Variants in EYS observed in about 807,000 individuals in gnomAD.
EYS encodes EGF-like photoreceptor maintenance factor, also known as protein eyes shut homolog.
Under a neutral mutation model 282.1 loss-of-function variants are expected in EYS, and 250 were observed. The observed-to-expected ratio is 0.89, with a 90% CI of 0.80 to 0.98. The LOEUF (loss-of-function observed/expected upper bound fraction) is 0.98, where lower values mean the gene tolerates loss of function less well. EYS is among the 50% of genes least tolerant of loss of function. EYS has a pLI of 0.00. For synonymous variants in EYS, 1,355 were observed against 1,282.9 expected, an observed-to-expected ratio of 1.06 and a Z score of -1.20; for missense variants, 4,016 against 3,709.0, an observed-to-expected ratio of 1.08 and a Z score of -2.15.
At chr6:64,233,219 A>G (rs566450123) in intron 30 of EYS, among the ~76,000 whole-genome samples, 8 of 152,192 alleles carry the variant, frequency 5.3e-5, no homozygotes, top group Non-Finnish European at 1.2e-4. Flanking sequence ...TTGATCCGAA[A>G]ACATCAGGAT....
intron 22 of EYS, among the ~76,000 whole-genome samples, chr6:64,651,690 GA>G (rs941765758): frequency 3.3e-5 from 5 of 150,296 alleles, no homozygotes; most frequent in African/African-American, 9.7e-5. Context: ...TCAAAAAAAG[GA>G]AAAAAAAATT....
At chr6:65,517,779 T>C (rs998872321) in intron 2 of EYS, among the ~76,000 whole-genome samples, 1 of 152,042 alleles carries the variant, frequency 6.6e-6, no homozygotes, top group African/African-American at 2.4e-5. Context: ...ACCATTGTTG[T>C]GAATTACAGA....
intron 22 of EYS, among the ~76,000 whole-genome samples, chr6:64,759,169 T>A (rs950986424): frequency 8.6e-5 from 13 of 151,354 alleles, no homozygotes; most frequent in African/African-American, 3.2e-4. Flanking sequence ...AGAAAAAAAA[T>A]TAGTCTGAAG....
chr6:65,150,372 G>T (rs72881725), intron 12 of EYS, among the ~76,000 whole-genome samples: 6 of 151,614 alleles, frequency 4.0e-5, no homozygotes, highest in Non-Finnish European at 7.4e-5. Flanking sequence ...ACATATTTCT[G>T]ATCCTTTATA....
chr6:64,861,451 G>T (rs897155245), intron 19 of EYS, among the ~76,000 whole-genome samples: 2 of 152,100 alleles, frequency 1.3e-5, no homozygotes, highest in South Asian at 4.1e-4. Flanking sequence ...AGAGATGCCC[G>T]GGTCCACAGC....
At chr6:64,559,493 G>A (rs1233242422) in intron 26 of EYS, among the ~76,000 whole-genome samples, 2 of 151,994 alleles carry the variant, frequency 1.3e-5, no homozygotes, top group Non-Finnish European at 2.9e-5. Flanking sequence ...ATATGTTAAA[G>A]AGCTGATAAA....
intron 39 of EYS, among the ~76,000 whole-genome samples, chr6:63,787,799 C>T (rs931973309): frequency 2.0e-5 from 3 of 151,960 alleles, no homozygotes; most frequent in East Asian, 1.9e-4. Context: ...ATTAGCTGGG[C>T]GTGGTTGTGC....
chr6:64,230,582 G>A lies in EYS; in HGVS notation c.6424+10C>T, dbSNP rs201379237. 7.2e-6 allele frequency: 11 copies of A among 1,525,888 alleles called. No individual in the cohort carries two copies. Among genetic ancestry groups the A allele is most frequent in the South Asian group, 1.2e-5 (1 of 83,350 alleles). The allele number at this position is 1,525,888 out of a possible 1,614,324, so 94.5% of individuals were successfully genotyped here. The stretch of plus-strand genomic sequence containing the variant: ...AAAAGAAATACAAAAGGGTAATGAA[G>A]ATTGATTACCTTTTTCACAGAAGCG... On this transcript the variant is annotated intron_variant, in intron 31 of 42. Coordinates refer to ENST00000503581, the MANE Select transcript of EYS (RefSeq NM_001142800.2).
At chr6:64,230,529 TCC>T (rs1215486649) in intron 31 of EYS, 61 bp downstream of exon 31, 70 of 1,162,172 alleles carry the variant, frequency 6.0e-5, no homozygotes, top group Non-Finnish European at 8.4e-5. Context: ...ACATTTCAAC[TCC>T]TGTCCATTCT....
chr6:64,962,604 G>C (rs1250060444), intron 14 of EYS, among the ~76,000 whole-genome samples: 1 of 151,908 alleles, frequency 6.6e-6, no homozygotes, highest in Non-Finnish European at 1.5e-5. Context: ...GCTTGTCATG[G>C]TGCTGTATGC....
At chr6:65,611,741 T>C (rs1766009674) in intron 2 of EYS, among the ~76,000 whole-genome samples, 1 of 152,018 alleles carries the variant, frequency 6.6e-6, no homozygotes, top group Non-Finnish European at 1.5e-5. Flanking sequence ...CACAGCAATT[T>C]CCCATAGAGC....
At chr6:63,808,757 T>G (rs1323520851) in intron 36 of EYS, among the ~76,000 whole-genome samples, 1 of 152,206 alleles carries the variant, frequency 6.6e-6, no homozygotes, top group Non-Finnish European at 1.5e-5. Flanking sequence ...CAGCATTTCT[T>G]AGTCTAGTGG....
intron 22 of EYS, among the ~76,000 whole-genome samples, chr6:64,721,145 A>G (rs950104008): frequency 2.0e-5 from 3 of 152,186 alleles, no homozygotes; most frequent in African/African-American, 7.2e-5. Context: ...AGGAACAACA[A>G]AGGCTAACAC....
At chr6:64,660,554 G>A (rs1323093209) in intron 22 of EYS, among the ~76,000 whole-genome samples, 3 of 152,110 alleles carry the variant, frequency 2.0e-5, no homozygotes, top group Non-Finnish European at 4.4e-5. Flanking sequence ...GGATACAAAA[G>A]CCATGTGCAA....
intron 22 of EYS, among the ~76,000 whole-genome samples, chr6:64,781,270 C>G (rs1024409019): frequency 1.3e-5 from 2 of 151,932 alleles, no homozygotes; most frequent in African/African-American, 2.4e-5. Context: ...CTAGCCCCAC[C>G]ACAGACCTAT....
At chr6:65,091,033 A>G (rs537505738) in intron 12 of EYS, among the ~76,000 whole-genome samples, 1 of 152,192 alleles carries the variant, frequency 6.6e-6, no homozygotes, top group Non-Finnish European at 1.5e-5. Flanking sequence ...TTAATTGTAC[A>G]TGATTAAACA....
intron 22 of EYS, among the ~76,000 whole-genome samples, chr6:64,673,435 C>G (rs1303009982): frequency 6.6e-6 from 1 of 152,114 alleles, no homozygotes; most frequent in African/African-American, 2.4e-5. Flanking sequence ...TACATTATCT[C>G]ATTCTTTGCC....
At chr6:64,137,623 A>G (rs1181207386) in intron 31 of EYS, among the ~76,000 whole-genome samples, 2 of 151,276 alleles carry the variant, frequency 1.3e-5, no homozygotes, top group Non-Finnish European at 3.0e-5. Flanking sequence ...AGAGAAAGAG[A>G]GAGACAGAGA....
intron 28 of EYS, among the ~76,000 whole-genome samples, chr6:64,392,461 G>A (rs1157714888): frequency 6.6e-6 from 1 of 151,088 alleles, no homozygotes; most frequent in Non-Finnish European, 1.5e-5. Flanking sequence ...CTAGAACTCA[G>A]GACTAAGAAA....
Sources: allele counts gnomAD v4.1 joint callset (sites outside exome capture counted in the v4.1 genomes callset), GRCh38; gene constraint gnomAD v4.1.1; transcripts MANE v1.5; gene names NCBI Gene and HGNC (gene_info 2026-07-23, HGNC 2026-07-21).